Variants in ARSL observed in about 807,000 individuals in gnomAD.
ARSL encodes the protein arylsulfatase L, also known as arylsulfatase E (chondrodysplasia punctata 1).
ARSL carries 4 observed loss-of-function variants against 31.1 expected under a neutral mutation model. That is an observed-to-expected ratio of 0.13 (90% CI 0.06 to 0.29). The LOEUF (loss-of-function observed/expected upper bound fraction) is 0.29, where lower values mean the gene tolerates loss of function less well. ARSL is among the 10% of genes least tolerant of loss of function. ARSL has a pLI of 1.00. For missense variants in ARSL, 312 were observed against 497.8 expected, an observed-to-expected ratio of 0.63 and a Z score of 3.55; for synonymous variants, 198 against 209.9, an observed-to-expected ratio of 0.94 and a Z score of 0.49.
chrX:2,935,261 A>C, intron 10 of ARSL, 71 bp from the exon 11 acceptor site: 1 of 1,059,310 alleles, frequency 9.4e-7, no homozygotes, highest in Non-Finnish European at 1.3e-6. Flanking sequence ...TGGCATCTTC[A>C]TAGGGCTAAA....
chrX:2,962,771 A>C lies in ARSL; in HGVS notation c.-21+1453T>G, dbSNP rs765461785. Among the ~76,000 whole-genome samples, 8 of 111,882 alleles carry C rather than the reference A, an allele frequency of 7.2e-5. No individual in the cohort carries two copies. The East Asian group carries it at 8.5e-4, about 12-fold the overall frequency. ...AGTCAATAAGCTAAAGGGAAAAGTCAAGCGGGGAACTGCTTAGGGCCTCTG... is the reference window on the plus strand; with the variant it reads ...AGTCAATAAGCTAAAGGGAAAAGTCCAGCGGGGAACTGCTTAGGGCCTCTG... On this transcript the variant is annotated intron_variant, in intron 1 of 10. Coordinates refer to ENST00000381134, the MANE Select transcript of ARSL (RefSeq NM_000047.3).
intron 8 of ARSL, among the ~76,000 whole-genome samples, chrX:2,940,834 GC>G (rs1308982360): frequency 9.0e-6 from 1 of 111,381 alleles, no homozygotes; most frequent in Non-Finnish European, 1.9e-5. Flanking sequence ...ACTTATGATC[GC>G]TGAGACAGGA....
At chrX:2,942,216 C>G (rs2089291056) in intron 8 of ARSL, among the ~76,000 whole-genome samples, 1 of 111,911 alleles carries the variant, frequency 8.9e-6, no homozygotes, top group South Asian at 3.7e-4. Flanking sequence ...CAGACCTCCG[C>G]GATTTAGCAG....
chrX:2,943,656 A>G (rs1158975563), intron 7 of ARSL, among the ~76,000 whole-genome samples: 1 of 98,778 alleles, frequency 1.0e-5, no homozygotes, highest in Non-Finnish European at 2.0e-5. Flanking sequence ...GCAGGAGAAT[A>G]GCTTAAACCC....
Position 2,935,122 on chromosome X carries a change from C to T in ARSL, c.1480G>A (p.Gly494Arg), listed in dbSNP as rs371121114. Residue 494 changes from glycine to arginine, a missense_variant, in exon 11 of 11, where the codon GGA becomes AGA. Physicochemically the swap from Gly to Arg is moderately radical, Grantham distance 125 (BLOSUM62 -2). Coordinates refer to ENST00000381134, the MANE Select transcript of ARSL (RefSeq NM_000047.3). The part of the protein sequence containing the change: ...FQPEGAGACY[G>R]RKVCPCFGEK... ...CCAAAGCACGGGCAGACCTTTCTTC[C>T]ATAGCAGGCACCGGCTCCCTCTGGC... 2.6e-5 allele frequency: 31 copies of T among 1,209,761 alleles called. No individual in the cohort carries two copies. The highest frequency in any genetic ancestry group is 3.4e-5 in the Non-Finnish European group (30 of 895,199).
upstream of ARSL, among the ~76,000 whole-genome samples, chrX:2,965,554 C>CAA (rs58446517): frequency 1.5e-4 from 15 of 100,002 alleles, no homozygotes; most frequent in African/African-American, 5.4e-4. Context: ...AAAAAATAAG[C>CAA]AAAAAAAAAA....
At position 2,964,208 on chromosome X, in the gene ARSL, C is replaced by T; in HGVS notation, c.-21+16G>A. The T allele has an allele frequency of 1.3e-6, 1 of 754,361 alleles. No homozygotes were observed. The highest frequency in any genetic ancestry group is 1.6e-6 in the Non-Finnish European group (1 of 639,388). 62.2% of individuals were successfully genotyped at this position (754,361 alleles called of 1,213,427 possible). ...GGAGCCCAAATCCAGCACAAATGAACATTCACAGGACTCACCTCTGCTCCT... is the reference window on the plus strand; with the variant it reads ...GGAGCCCAAATCCAGCACAAATGAATATTCACAGGACTCACCTCTGCTCCT... On this transcript the variant is annotated intron_variant, in intron 1 of 10. Transcript: ENST00000381134.
In ARSL at chrX:2,958,288, G is replaced by T. The variant is rs149939722; in HGVS notation, c.171C>A (p.Gly57=). The change falls in exon 3 of 11, where the codon GGC becomes GGA. Residue 57 remains glycine, a synonymous_variant. Coordinates refer to ENST00000381134, the MANE Select transcript of ARSL (RefSeq NM_000047.3). ...CTGTCCCTTGCCTCATGGTGTTGTTGCCATAGCAGCCAATGTCCCCAATGC... is the reference window on the plus strand; with the variant it reads ...CTGTCCCTTGCCTCATGGTGTTGTTTCCATAGCAGCCAATGTCCCCAATGC... ...DLGIGDIGCY[G]NNTMRTPNID... 8.3e-7 allele frequency: 1 copy of T among 1,209,964 alleles called. No homozygotes were observed. Among genetic ancestry groups the T allele is most frequent in the Non-Finnish European group, 1.1e-6 (1 of 895,220 alleles).
In ARSL at chrX:2,958,357, G is replaced by A. The variant is rs151070930; in HGVS notation, c.102C>T (p.Ser34=). Residue 34 remains serine, a synonymous_variant, in exon 3 of 11, where the codon TCC becomes TCT. Transcript: ENST00000381134. ...SLAPSASSDI[S]ASRPNILLLM... ...GAAGAAGGATGTTCGGTCGGGAGGC[G>A]GAAATGTCGCTGGAAGCTGATGGTG... 1.5e-4 allele frequency: 187 copies of A among 1,210,304 alleles called. No homozygotes were observed. The highest frequency in any genetic ancestry group is 2.0e-4 in the Non-Finnish European group (183 of 895,355).
chrX:2,945,703 A>T (rs1705426327), intron 7 of ARSL, among the ~76,000 whole-genome samples: 1 of 111,397 alleles, frequency 9.0e-6, no homozygotes, highest in Non-Finnish European at 1.9e-5. Context: ...CAAGATTAGG[A>T]CGTGGATGTC....
At chrX:2,960,147 T>C (rs1462111408) in intron 2 of ARSL, among the ~76,000 whole-genome samples, 2 of 86,129 alleles carry the variant, frequency 2.3e-5, no homozygotes, top group Admixed American at 1.2e-4. Context: ...CAGGCGCCTG[T>C]AGTCCCAGCT....
chrX:2,955,321 T>C, intron 4 of ARSL, 95 bp downstream of exon 4: 1 of 1,081,594 alleles, frequency 9.2e-7, no homozygotes. Flanking sequence ...CCAGTCTCTA[T>C]TTAAATAAAA....
intron 6 of ARSL, among the ~76,000 whole-genome samples, chrX:2,948,722 C>T (rs1184374168): frequency 9.0e-6 from 1 of 110,961 alleles, no homozygotes; most frequent in East Asian, 2.8e-4. Flanking sequence ...AACTCCTGGC[C>T]TCAAATTATC....
chrX:2,949,751 T>C, intron 5 of ARSL, 24 bp from the exon 6 acceptor site: 2 of 1,199,638 alleles, frequency 1.7e-6, no homozygotes, highest in Non-Finnish European at 2.3e-6. Flanking sequence ...AGGATGTTGA[T>C]GTGACAAGCA....
At chrX:2,948,987 A>T (rs372111481) in intron 6 of ARSL, among the ~76,000 whole-genome samples, 2 of 106,943 alleles carry the variant, frequency 1.9e-5, no homozygotes, top group East Asian at 5.9e-4. Context: ...CAGTGATGTG[A>T]CCTCACCTCC....
chrX:2,938,383 TC>T, intron 8 of ARSL, 126 bp from the exon 9 acceptor site: 1 of 849,749 alleles, frequency 1.2e-6, no homozygotes, highest in African/African-American at 2.1e-5. Context: ...TCTCAATTTC[TC>T]TCTCTCTCTC....
chrX:2,935,966 G>A (rs2089195336), intron 10 of ARSL, among the ~76,000 whole-genome samples: 1 of 111,469 alleles, frequency 9.0e-6, no homozygotes, highest in African/African-American at 3.3e-5. Flanking sequence ...CATTTTGGGA[G>A]GCCAAGATGG....
intron 9 of ARSL, among the ~76,000 whole-genome samples, 167 bp downstream of exon 9, chrX:2,937,928 C>A (rs1445078016): frequency 2.7e-5 from 3 of 112,309 alleles, no homozygotes; most frequent in South Asian, 3.7e-4. Context: ...TTTCCTCGTT[C>A]ATTTGCATCT....
upstream of ARSL, among the ~76,000 whole-genome samples, chrX:2,966,464 A>G (rs1371050973): frequency 1.8e-5 from 2 of 108,319 alleles, no homozygotes; most frequent in Non-Finnish European, 3.8e-5. Flanking sequence ...CATACATAGT[A>G]TAAATGTATC....
Sources: gnomAD v4.1 joint callset for allele counts (sites outside exome capture counted in the v4.1 genomes callset) on GRCh38, gnomAD v4.1.1 for gene constraint, MANE v1.5 for transcripts, NCBI Gene and HGNC (gene_info 2026-07-23, HGNC 2026-07-21) for gene names.